Variants in RNF150 observed in about 807,000 individuals in gnomAD.
RNF150 encodes the protein ring finger protein 150.
RNF150 carries 24 observed loss-of-function variants against 39.3 expected under a neutral mutation model. The ratio of observed to expected loss-of-function variants is 0.61; its 90% CI spans 0.44 to 0.86. The LOEUF (loss-of-function observed/expected upper bound fraction) is 0.86. Among genes scored for constraint, RNF150 ranks in the 40% least tolerant of loss-of-function variants. The pLI, the probability that RNF150 is intolerant of heterozygous loss-of-function variation, is 0.00. For missense variants in RNF150, 502 were observed against 587.8 expected (o/e 0.85, Z 1.51); for synonymous variants, 255 against 227.3 (o/e 1.12, Z -1.10).
chr4:140,938,947 G>A (rs1382858951), intron 4 of RNF150, among the ~76,000 whole-genome samples: 1 of 152,128 alleles, frequency 6.6e-6, no homozygotes, highest in African/African-American at 2.4e-5. Flanking sequence ...GGACAGGGAT[G>A]ATTTGTGAAT....
intron 1 of RNF150, among the ~76,000 whole-genome samples, chr4:140,996,475 G>C (rs57534396): frequency 0.076 from 11,553 of 152,244 alleles, 500 homozygotes; most frequent in Middle Eastern, 0.16. Context: ...GTTAACACTG[G>C]TTTAAAGTCT....
chr4:140,878,743 A>G (rs186870643), intron 6 of RNF150, among the ~76,000 whole-genome samples: 15 of 152,150 alleles, frequency 9.9e-5, no homozygotes, highest in African/African-American at 3.6e-4. Flanking sequence ...TGTGCAGAAG[A>G]TTTTAGTGTA....
At chr4:141,172,554 AACCTGT>A (rs942420918) in intron 1 of RNF150, among the ~76,000 whole-genome samples, 1 of 152,146 alleles carries the variant, frequency 6.6e-6, no homozygotes, top group Non-Finnish European at 1.5e-5. Flanking sequence ...TTGACCTGAA[AACCTGT>A]ACCCTGTACG....
At position 141,132,187 on chromosome 4, in the gene RNF150, T is replaced by C; in HGVS notation, c.484+138A>G. ...CCCCCCAAGTGACGCGGAGCAAAAC[T>C]TAATCGGTCCAGGGAACCCAGACAC... On this transcript the variant is annotated intron_variant, in intron 1 of 6. Coordinates refer to ENST00000515673, the MANE Select transcript of RNF150 (RefSeq NM_020724.2). This position sits in a 1 kb window ranked among gnomAD's most constrained non-coding sequence, Gnocchi z 4.9. 1.1e-6 allele frequency: 1 copy of C among 877,692 alleles called. No homozygotes were observed. Among genetic ancestry groups the C allele is most frequent in the Non-Finnish European group, 1.7e-6 (1 of 576,318 alleles). The allele number at this position is 877,692 out of a possible 1,614,324, so 54.4% of individuals were successfully genotyped here.
chr4:141,100,093 T>C (rs1738953469), intron 1 of RNF150, among the ~76,000 whole-genome samples: 1 of 152,192 alleles, frequency 6.6e-6, no homozygotes. Context: ...ATTTCTACTT[T>C]TATAGGACTA....
At chr4:140,923,533 C>G (rs965579209) in intron 5 of RNF150, among the ~76,000 whole-genome samples, 14 of 152,306 alleles carry the variant, frequency 9.2e-5, no homozygotes, top group African/African-American at 2.9e-4. Flanking sequence ...GGACTGTAAA[C>G]TAGTTCAACC....
At chr4:140,971,373 G>A (rs540939667) in intron 1 of RNF150, among the ~76,000 whole-genome samples, 2 of 152,080 alleles carry the variant, frequency 1.3e-5, no homozygotes, top group Admixed American at 6.6e-5. Context: ...ACATTCCAAG[G>A]CTCAGGGAAA....
chr4:140,977,246 A>T (rs895833536), intron 1 of RNF150, among the ~76,000 whole-genome samples: 1 of 152,160 alleles, frequency 6.6e-6, no homozygotes, highest in African/African-American at 2.4e-5. Flanking sequence ...GTTACAATTC[A>T]GTCCAATTTC....
chr4:140,888,058 G>A (rs1363178093), intron 6 of RNF150, among the ~76,000 whole-genome samples: 4 of 152,158 alleles, frequency 2.6e-5, no homozygotes, highest in Non-Finnish European at 5.9e-5. Context: ...CAGAAAGCAC[G>A]TGAAGAAGCC....
intron 1 of RNF150, among the ~76,000 whole-genome samples, chr4:141,204,588 G>A (rs1728343946): frequency 6.6e-6 from 1 of 152,118 alleles, no homozygotes; most frequent in South Asian, 2.1e-4. Context: ...CCTTGAGGGT[G>A]GAGAGGGATT....
intron 6 of RNF150, among the ~76,000 whole-genome samples, chr4:140,905,231 TA>T (rs1054256149): frequency 6.6e-5 from 10 of 150,988 alleles, no homozygotes; most frequent in Non-Finnish European, 1.0e-4. Context: ...TATACATATA[TA>T]TTTTTTTTTC....
At position 141,202,442 on chromosome 4, in the gene RNF150, T is replaced by G. The variant is rs575835382; in HGVS notation, c.-6+10352A>C. Among the ~76,000 whole-genome samples the G allele has an allele frequency of 6.6e-5, 10 of 152,282 alleles. No individual in the cohort carries two copies. In the South Asian group the frequency reaches 2.1e-3, roughly 32 times the overall value. ...AGAGTTCAGTCAGAATCCCAGTATT[T>G]TGTTAATTGGTATATTCTTATAGAC... On this transcript the variant is annotated intron_variant, in intron 1 of 7. Transcript: ENST00000420921.
At chr4:140,973,036 T>C (rs1733523614) in intron 1 of RNF150, among the ~76,000 whole-genome samples, 1 of 152,130 alleles carries the variant, frequency 6.6e-6, no homozygotes, top group Non-Finnish European at 1.5e-5. Flanking sequence ...TGACCATGTA[T>C]AAAAGACAAG....
chr4:141,071,365 T>C (rs1415197835), intron 1 of RNF150, among the ~76,000 whole-genome samples: 1 of 151,344 alleles, frequency 6.6e-6, no homozygotes, highest in Non-Finnish European at 1.5e-5. Flanking sequence ...ACATGTACCC[T>C]AAAACTTAAA....
intron 1 of RNF150, among the ~76,000 whole-genome samples, chr4:141,193,265 A>G (rs968415605): frequency 3.3e-5 from 5 of 152,254 alleles, no homozygotes; most frequent in African/African-American, 9.6e-5. Flanking sequence ...TGCTGAATGA[A>G]TAATGATGGA....
At chr4:141,013,876 G>C (rs1735165020) in intron 1 of RNF150, among the ~76,000 whole-genome samples, 1 of 151,988 alleles carries the variant, frequency 6.6e-6, no homozygotes, top group Non-Finnish European at 1.5e-5. Context: ...AAATATATAA[G>C]ACATTATTAA....
At chr4:141,101,999 C>A (rs1479975284) in intron 1 of RNF150, among the ~76,000 whole-genome samples, 1 of 152,012 alleles carries the variant, frequency 6.6e-6, no homozygotes, top group Non-Finnish European at 1.5e-5. Context: ...CCAGGAGGGT[C>A]TCGAACTCCT....
chr4:140,933,834 C>G (rs1578981606), intron 4 of RNF150, among the ~76,000 whole-genome samples: 1 of 152,080 alleles, frequency 6.6e-6, no homozygotes, highest in Non-Finnish European at 1.5e-5. Flanking sequence ...ATGATCTAGT[C>G]ATCACTTGCT....
chr4:141,143,135 G>A (rs1727148937), intron 1 of RNF150, among the ~76,000 whole-genome samples: 1 of 152,158 alleles, frequency 6.6e-6, no homozygotes, highest in Non-Finnish European at 1.5e-5. Flanking sequence ...CTCCCAAAGT[G>A]CTGAGATTGC....
Sources: gnomAD v4.1 joint callset for allele counts (sites outside exome capture counted in the v4.1 genomes callset) on GRCh38, gnomAD v4.1.1 for gene constraint, Gnocchi (gnomAD v3.1) non-coding constraint, MANE v1.5 for transcripts, NCBI Gene and HGNC (gene_info 2026-07-23, HGNC 2026-07-21) for gene names.